EPAS1: variants seen among roughly 807,000 people sequenced by gnomAD.
EPAS1 encodes the protein endothelial PAS domain-containing protein 1.
Under a neutral mutation model 87.9 loss-of-function variants are expected in EPAS1, and 23 were observed. That is an observed-to-expected ratio of 0.26 (90% CI 0.19 to 0.37). The LOEUF (loss-of-function observed/expected upper bound fraction) is 0.37. Ranked by LOEUF, EPAS1 falls within the 10% of genes least tolerant of loss-of-function variation. EPAS1 has a pLI of 1.00. For missense variants in EPAS1, 1,138 were observed against 1,120.7 expected (o/e 1.02, Z -0.22); for synonymous variants, 508 against 444.3 (o/e 1.14, Z -1.80).
chr2:46,320,582 A>G (rs1029714113), intron 1 of EPAS1, among the ~76,000 whole-genome samples: 1 of 152,250 alleles, frequency 6.6e-6, no homozygotes, highest in African/African-American at 2.4e-5. Context: ...TTTTGAAGCC[A>G]CTGGGTGAAC....
At chr2:46,305,655 A>G (rs978438105) in intron 1 of EPAS1, among the ~76,000 whole-genome samples, 10 of 152,208 alleles carry the variant, frequency 6.6e-5, no homozygotes, top group African/African-American at 1.9e-4. Flanking sequence ...TGTGAATTCT[A>G]TAAAGCCATG....
chr2:46,359,973 G>A (rs1684355047), intron 4 of EPAS1, among the ~76,000 whole-genome samples: 2 of 152,162 alleles, frequency 1.3e-5, no homozygotes, highest in African/African-American at 4.8e-5. Flanking sequence ...GAGAGGATAT[G>A]ATCCAGGTTG....
intron 1 of EPAS1, among the ~76,000 whole-genome samples, chr2:46,320,700 G>A (rs963910226): frequency 2.6e-5 from 4 of 152,150 alleles, no homozygotes; most frequent in African/African-American, 9.7e-5. Flanking sequence ...CTGTCTGCCC[G>A]TGCCATTATC....
chr2:46,298,020 G>A, intron 1 of EPAS1, 83 bp downstream of exon 1: 4 of 1,544,044 alleles, frequency 2.6e-6, no homozygotes, highest in Middle Eastern at 4.1e-4. Context: ...GAGAGTGGTT[G>A]GGAGAAGAGT....
chr2:46,384,845 A>C lies in EPAS1; in HGVS notation c.*185A>C. On this transcript the variant is annotated 3_prime_UTR_variant, in exon 16 of 16. Transcript: ENST00000263734. ...CTGAGATGCTCACTTTATTATCCCT[A>C]TTTTTAAAGTACACAATTGTTTTAC... 4 of 690,350 alleles carry C rather than the reference A, an allele frequency of 5.8e-6. No individual in the cohort carries two copies. Among genetic ancestry groups the C allele is most frequent in the South Asian group, 5.5e-5 (3 of 54,410 alleles). The allele number at this position is 690,350 out of a possible 1,614,324, so 42.8% of individuals were successfully genotyped here.
chr2:46,323,205 CT>C (rs879593382), intron 1 of EPAS1, among the ~76,000 whole-genome samples: 10 of 151,534 alleles, frequency 6.6e-5, no homozygotes, highest in Admixed American at 1.3e-4. Flanking sequence ...AATGAGGAGA[CT>C]TTTTTTTTAA....
At chr2:46,303,005 G>A (rs1266555877) in intron 1 of EPAS1, among the ~76,000 whole-genome samples, 1 of 152,118 alleles carries the variant, frequency 6.6e-6, no homozygotes, top group African/African-American at 2.4e-5. Flanking sequence ...CCCGGGAGGC[G>A]GAGGTTGCAG....
chr2:46,350,760 G>C (rs1372501921), intron 2 of EPAS1, among the ~76,000 whole-genome samples: 1 of 152,196 alleles, frequency 6.6e-6, no homozygotes, highest in East Asian at 1.9e-4. Flanking sequence ...ACTCATACAT[G>C]GCGAAATCAA....
rs17039192 is a variant in EPAS1 at position 46,297,441 on chromosome 2, C to T, written c.-471C>T. 3,215 of 156,800 alleles carry T rather than the reference C, an allele frequency of 0.021. 150 individuals carry two copies. The highest frequency in any genetic ancestry group is 0.18 in the East Asian group (941 of 5,232). The allele number at this position is 156,800 out of a possible 1,614,324, so 9.7% of individuals were successfully genotyped here. On this transcript the variant is annotated 5_prime_UTR_variant, in exon 1 of 16. Coordinates refer to ENST00000263734, the MANE Select transcript of EPAS1 (RefSeq NM_001430.5). ...AGCGGACCGCCACACGGGTCCGGTG[C>T]CCGCTGCGCTTCCGCCCCAGCGCTC...
At chr2:46,302,793 G>A (rs1040028968) in intron 1 of EPAS1, among the ~76,000 whole-genome samples, 3 of 151,820 alleles carry the variant, frequency 2.0e-5, no homozygotes, top group African/African-American at 7.3e-5. Context: ...AATATAAGGG[G>A]TTGGGCGTGG....
chr2:46,353,895 CG>C (rs1684217945), intron 2 of EPAS1, among the ~76,000 whole-genome samples: 1 of 152,296 alleles, frequency 6.6e-6, no homozygotes, highest in African/African-American at 2.4e-5. Flanking sequence ...GGAAAGCCAC[CG>C]GGGCATTACT....
intron 15 of EPAS1, 76 bp downstream of exon 15, chr2:46,382,674 G>T (rs1684927615): frequency 6.3e-7 from 1 of 1,575,062 alleles, no homozygotes; most frequent in Non-Finnish European, 8.6e-7. Flanking sequence ...TTTTTTTCCA[G>T]CGTCTGCACA....
At chr2:46,313,098 CAG>C (rs1683245651) in intron 1 of EPAS1, among the ~76,000 whole-genome samples, 1 of 152,214 alleles carries the variant, frequency 6.6e-6, no homozygotes, top group African/African-American at 2.4e-5. Flanking sequence ...AGCAGAGAAA[CAG>C]AGCGAATGTT....
In EPAS1 at chr2:46,347,679, C is replaced by G. The variant is rs1261963023; in HGVS notation, c.217+616C>G. 1 of 158,368 alleles carries G rather than the reference C, an allele frequency of 6.3e-6. No homozygotes were observed. Among genetic ancestry groups the G allele is most frequent in the Non-Finnish European group, 1.4e-5 (1 of 71,394 alleles). 9.8% of individuals were successfully genotyped at this position (158,368 alleles called of 1,614,324 possible). A position where few individuals can be genotyped will look rare whatever the true frequency, so the allele number is the denominator to read the frequency against. ...GGGGAGTCCTTGACATCACCCCTCC[C>G]TCGGAAAATAACTGGTTCTCCCCTC... On this transcript the variant is annotated intron_variant, in intron 2 of 15. Coordinates refer to ENST00000263734, the MANE Select transcript of EPAS1 (RefSeq NM_001430.5). This position sits in a 1 kb window ranked among gnomAD's most constrained non-coding sequence, Gnocchi z 4.2.
At chr2:46,338,798 A>G (rs1221625459) in intron 1 of EPAS1, among the ~76,000 whole-genome samples, 1 of 151,966 alleles carries the variant, frequency 6.6e-6, no homozygotes, top group African/African-American at 2.4e-5. Flanking sequence ...AGACTGTTGC[A>G]TGTTCTGTCT....
Position 46,360,772 on chromosome 2 carries a change from GC to G in EPAS1, c.573+18del. The stretch of plus-strand genomic sequence containing the variant: ...CACCTGGAAGGTAGGGCAACATCAG[GC>G]CTGGGTTGGAGTCCCAGGTGTAGGG... On this transcript the variant is annotated intron_variant, in intron 5 of 15. Coordinates refer to ENST00000263734, the MANE Select transcript of EPAS1 (RefSeq NM_001430.5). The surrounding 1 kb of genome is among the most constrained non-coding windows in gnomAD (Gnocchi z 4.5). The G allele has an allele frequency of 6.2e-7, 1 of 1,613,546 alleles. No homozygotes were observed. The highest frequency in any genetic ancestry group is 1.3e-5 in the African/African-American group (1 of 75,022).
Position 46,381,975 on chromosome 2 carries a change from G to A in EPAS1, c.2173G>A (p.Gly725Arg), listed in dbSNP as rs758845598. Reference protein sequence around the residue: ...EEQAFQDLSGGDPPGGSTSHL... With the variant: ...EEQAFQDLSGRDPPGGSTSHL... Reference sequence around the variant, plus strand: ...TTCCATCTGCCCTTCTTACTCCCAGGGGGACCCACCTGGTGGCAGCACCTC... The same window carrying A: ...TTCCATCTGCCCTTCTTACTCCCAGAGGGACCCACCTGGTGGCAGCACCTC... Residue 725 changes from glycine (G) to arginine (R), a missense_variant and splice_region_variant, in exon 14 of 16, where the codon GGG becomes AGG. Physicochemically the swap from Gly to Arg is moderately radical, Grantham distance 125. Around this residue, in one of 4 missense-constraint regions of EPAS1, gnomAD observed 502 missense variants for 427.1 expected, o/e 1.18. Coordinates refer to ENST00000263734, the MANE Select transcript of EPAS1 (RefSeq NM_001430.5). 1.2e-6 allele frequency: 2 copies of A among 1,602,792 alleles called. No homozygotes were observed. The highest frequency in any genetic ancestry group is 1.7e-5 in the Admixed American group (1 of 59,590).
chr2:46,297,814 C>G lies in EPAS1; in HGVS notation c.-98C>G, dbSNP rs1279965464. On this transcript the variant is annotated 5_prime_UTR_variant, in exon 1 of 16. Coordinates refer to ENST00000263734, the MANE Select transcript of EPAS1 (RefSeq NM_001430.5). ...TGCGCGCACCTCGGACCTTCACCACCCGCCCGGGCCGCGGGGAGCGGACGA... is the reference window on the plus strand; with the variant it reads ...TGCGCGCACCTCGGACCTTCACCACGCGCCCGGGCCGCGGGGAGCGGACGA... 4 of 1,528,048 alleles carry G rather than the reference C, an allele frequency of 2.6e-6. No homozygotes were observed. Among genetic ancestry groups the G allele is most frequent in the African/African-American group, 2.8e-5 (2 of 72,408 alleles). 94.7% of individuals were successfully genotyped at this position (1,528,048 alleles called of 1,614,324 possible). A position where few individuals can be genotyped will look rare whatever the true frequency, so the allele number is the denominator to read the frequency against.
In EPAS1 at chr2:46,360,848, C is replaced by T; in HGVS notation, c.574-37C>T. On this transcript the variant is annotated intron_variant, in intron 5 of 15. Transcript: ENST00000263734. This position sits in a 1 kb window ranked among gnomAD's most constrained non-coding sequence, Gnocchi z 4.5. ...AGGCCCTACCCCCACCCCCAGCACT[C>T]TCGGCTCCATGTCTGACCCTTCCAC... 1 of 1,613,958 alleles carries T rather than the reference C, an allele frequency of 6.2e-7. No individual in the cohort carries two copies. Among genetic ancestry groups the T allele is most frequent in the Non-Finnish European group, 8.5e-7 (1 of 1,179,858 alleles).
Sources: gnomAD v4.1 joint callset for allele counts (sites outside exome capture counted in the v4.1 genomes callset) on GRCh38, gnomAD v4.1.1 for gene constraint, gnomAD v4.1.1 regional missense constraint, Gnocchi (gnomAD v3.1) non-coding constraint, MANE v1.5 for transcripts, NCBI Gene and HGNC (gene_info 2026-07-23, HGNC 2026-07-21) for gene names.